HPSE2: variants seen among roughly 807,000 people sequenced by gnomAD.
HPSE2 encodes the protein inactive heparanase-2.
HPSE2 carries 38 observed loss-of-function variants against 60.5 expected under a neutral mutation model. The ratio of observed to expected loss-of-function variants is 0.63; its 90% CI spans 0.48 to 0.82. The LOEUF is 0.82. Ranked by LOEUF, HPSE2 falls within the 40% of genes least tolerant of loss-of-function variation. The probability of loss-of-function intolerance (pLI) is 0.00; values close to 1 mark genes in which losing one functional copy is unlikely to be tolerated. For synonymous variants in HPSE2, 295 were observed against 293.2 expected (o/e 1.01, Z -0.06); for missense variants, 713 against 740.4 (o/e 0.96, Z 0.43).
chr10:99,190,831 C>A (rs1798237751), intron 2 of HPSE2, among the ~76,000 whole-genome samples: 1 of 152,196 alleles, frequency 6.6e-6, no homozygotes, highest in Admixed American at 6.5e-5. Context: ...TGGGAGTCCC[C>A]AGCTCTAGGC....
chr10:98,996,098 G>A (rs913873359), intron 3 of HPSE2, among the ~76,000 whole-genome samples: 2 of 151,836 alleles, frequency 1.3e-5, no homozygotes, highest in African/African-American at 4.8e-5. Flanking sequence ...AAAAGAGATT[G>A]GTAAAAACTA....
intron 4 of HPSE2, among the ~76,000 whole-genome samples, chr10:98,741,088 A>C (rs1949485011): frequency 6.6e-6 from 1 of 152,192 alleles, no homozygotes; most frequent in Admixed American, 6.5e-5. Context: ...ATCATTAATA[A>C]TCATTTATTA....
chr10:99,108,327 T>C (rs1053383528), intron 3 of HPSE2, among the ~76,000 whole-genome samples: 1 of 150,774 alleles, frequency 6.6e-6, no homozygotes, highest in East Asian at 1.9e-4. Flanking sequence ...CTAACAGACA[T>C]AAGCTAAAAA....
Position 99,232,363 on chromosome 10 carries a change from T to C in HPSE2, c.433A>G (p.Lys145Glu). The change falls in exon 2 of 12, where the codon AAA (lysine) becomes GAA (glutamate). Residue 145 changes from lysine (K) to glutamate (E), a missense_variant. Transcript: ENST00000370552. Reference protein sequence around the residue: ...RGGPGPDYYLKNYEDDIVRSD... With the variant: ...RGGPGPDYYLENYEDDIVRSD... ...AGTTTCTCACCATCCTCATAGTTTT[T>C]GAGATAGTAATCCGGGCCCGGGCCC... The C allele has an allele frequency of 1.3e-6, 2 of 1,551,630 alleles. No individual in the cohort carries two copies. The highest frequency in any genetic ancestry group is 1.7e-6 in the Non-Finnish European group (2 of 1,146,984).
Position 98,933,028 on chromosome 10 carries a change from G to A in HPSE2, c.611-188972C>T, listed in dbSNP as rs189782341. Among the ~76,000 whole-genome samples, 57 of 143,600 alleles carry A rather than the reference G, an allele frequency of 4.0e-4. 8 individuals carry two copies. Among genetic ancestry groups the A allele is most frequent in the Admixed American group, 2.5e-3 (36 of 14,424 alleles). 94.2% of individuals were successfully genotyped at this position (143,600 alleles called of 152,430 possible). On this transcript the variant is annotated intron_variant, in intron 3 of 11. Transcript: ENST00000370552. The stretch of plus-strand genomic sequence containing the variant: ...TAGCTCTAGGGTTTGTTTGCTCTTG[G>A]TTCTCTAGTTATTTTAGTTGTGATG...
At chr10:99,251,818 A>G in the HPSE2 span, among the ~76,000 whole-genome samples, 514 of 140,574 alleles carry the variant, frequency 3.7e-3, 7 homozygotes, top group Non-Finnish European at 1.9e-3. Context: ...TGAGACGAAG[A>G]GTTTGAGACC....
the HPSE2 span, among the ~76,000 whole-genome samples, chr10:99,268,412 G>A: frequency 3.3e-4 from 50 of 152,222 alleles, no homozygotes; most frequent in African/African-American, 1.1e-3. Flanking sequence ...GGGAGGCTGA[G>A]CTGGGTGGAT....
At chr10:98,901,191 T>C (rs986723910) in intron 3 of HPSE2, among the ~76,000 whole-genome samples, 2 of 152,126 alleles carry the variant, frequency 1.3e-5, no homozygotes, top group African/African-American at 2.4e-5. Context: ...TTAGTGATTG[T>C]TTGGGGCTGG....
intron 3 of HPSE2, among the ~76,000 whole-genome samples, chr10:99,009,786 AT>A: frequency 6.6e-6 from 1 of 152,302 alleles, no homozygotes; most frequent in East Asian, 1.9e-4. Flanking sequence ...AGAGTTGCTC[AT>A]TTTTTTCATA....
At chr10:98,984,616 C>A (rs1031932366) in intron 3 of HPSE2, among the ~76,000 whole-genome samples, 3 of 152,164 alleles carry the variant, frequency 2.0e-5, no homozygotes, top group Non-Finnish European at 4.4e-5. Flanking sequence ...CAGGTCCTCA[C>A]CAGCAATGGA....
intron 9 of HPSE2, among the ~76,000 whole-genome samples, chr10:98,608,037 C>T (rs549608663): frequency 6.7e-6 from 1 of 149,914 alleles, no homozygotes; most frequent in East Asian, 1.9e-4. Context: ...TTAATCTTTC[C>T]AACAACCCTC....
chr10:98,599,454 A>G (rs1945337640), intron 9 of HPSE2, among the ~76,000 whole-genome samples: 1 of 151,976 alleles, frequency 6.6e-6, no homozygotes, highest in Non-Finnish European at 1.5e-5. Flanking sequence ...CAATAGTGGG[A>G]CAGGCCTGGA....
At chr10:99,207,186 A>T (rs2133899137) in intron 2 of HPSE2, among the ~76,000 whole-genome samples, 1 of 152,316 alleles carries the variant, frequency 6.6e-6, no homozygotes. Context: ...TAAGGGAGTT[A>T]TAATAAGGCT....
At chr10:98,725,125 T>C (rs550685284) in intron 4 of HPSE2, among the ~76,000 whole-genome samples, 14 of 152,204 alleles carry the variant, frequency 9.2e-5, no homozygotes, top group South Asian at 6.2e-4. Context: ...CTTCACAGAA[T>C]TGGAAAAAAT....
intron 3 of HPSE2, among the ~76,000 whole-genome samples, chr10:98,842,497 AT>A (rs1202350888): frequency 2.9e-3 from 389 of 134,058 alleles, no homozygotes; most frequent in African/African-American, 9.2e-3. Context: ...ACTTCTTTTG[AT>A]TTTTTTTTTT....
At chr10:98,763,637 G>A (rs1012026194) in intron 3 of HPSE2, among the ~76,000 whole-genome samples, 10 of 151,938 alleles carry the variant, frequency 6.6e-5, no homozygotes, top group African/African-American at 2.4e-4. Flanking sequence ...GACGAGAAAA[G>A]AGGGTTTTTT....
rs563375441 is a variant in HPSE2 at position 98,610,553 on chromosome 10, A to G, written c.1320+4351T>C. Reference sequence around the variant, plus strand: ...CACAGCAGGCACTCAATAAGTGTGCACTGGGCTGAAATGAATGTATATGAT... The same window carrying G: ...CACAGCAGGCACTCAATAAGTGTGCGCTGGGCTGAAATGAATGTATATGAT... On this transcript the variant is annotated intron_variant, in intron 9 of 11. Coordinates refer to ENST00000370552, the MANE Select transcript of HPSE2 (RefSeq NM_021828.5). Among the ~76,000 whole-genome samples, 3 of 152,348 alleles carry G rather than the reference A, an allele frequency of 2.0e-5. No homozygotes were observed. The South Asian group carries it at 6.2e-4, about 32-fold the overall frequency.
At chr10:98,649,641 C>A (rs1946865034) in intron 6 of HPSE2, among the ~76,000 whole-genome samples, 1 of 152,126 alleles carries the variant, frequency 6.6e-6, no homozygotes, top group Non-Finnish European at 1.5e-5. Context: ...TACCACAAAA[C>A]CAACCCAAAA....
rs540774347 is a variant in HPSE2, at chr10:98,709,331, C to T, written c.956+12326G>A. 8.5e-5 allele frequency among the ~76,000 whole-genome samples: 13 copies of T among 152,282 alleles called. No individual in the cohort carries two copies. In the South Asian group the frequency reaches 2.7e-3, roughly 32 times the overall value. ...TCCAAGGACTTTCTACCATTCACTT[C>T]CATTCTAATCCCTAGATTTAGGTCT... On this transcript the variant is annotated intron_variant, in intron 5 of 11. Transcript: ENST00000370552.
Sources: gnomAD v4.1 joint callset for allele counts (sites outside exome capture counted in the v4.1 genomes callset) on GRCh38, gnomAD v4.1.1 for gene constraint, MANE v1.5 for transcripts, NCBI Gene and HGNC (gene_info 2026-07-23, HGNC 2026-07-21) for gene names.